MED13L: variants seen among roughly 807,000 people sequenced by gnomAD.
MED13L encodes mediator of RNA polymerase II transcription subunit 13-like.
A neutral mutation model predicts 220.9 loss-of-function variants in MED13L; 7 were observed. The observed-to-expected ratio is 0.03, with a 90% confidence interval of 0.02 to 0.06. The LOEUF is 0.06. Among genes scored for constraint, MED13L ranks in the 10% least tolerant of loss-of-function variants. The pLI, the probability that MED13L is intolerant of heterozygous loss-of-function variation, is 1.00. For missense variants in MED13L, 1,965 were observed against 2,760.5 expected, an observed-to-expected ratio of 0.71 and a Z score of 6.46; for synonymous variants, 1,011 against 1,015.2, an observed-to-expected ratio of 1.00 and a Z score of 0.08.
chr12:116,001,535 C>T (rs1451123839), intron 14 of MED13L, among the ~76,000 whole-genome samples: 1 of 152,180 alleles, frequency 6.6e-6, no homozygotes, highest in Admixed American at 6.5e-5. Context: ...AAATCTATTG[C>T]TGAGATTAAA....
chr12:115,961,481 A>G, intron 30 of MED13L, 83 bp from the exon 31 acceptor site: 1 of 1,562,998 alleles, frequency 6.4e-7, no homozygotes, highest in Non-Finnish European at 8.8e-7. Context: ...TCCAGATCTT[A>G]GCAGGAAGGA....
intron 2 of MED13L, among the ~76,000 whole-genome samples, chr12:116,191,665 T>G (rs887281446): frequency 6.6e-6 from 1 of 151,948 alleles, no homozygotes; most frequent in Non-Finnish European, 1.5e-5. Flanking sequence ...ATTAAAAAAT[T>G]AGAATTTTTT....
chr12:115,967,170 CAAAA>C (rs34377158), intron 28 of MED13L, among the ~76,000 whole-genome samples: 2 of 45,244 alleles, frequency 4.4e-5, no homozygotes, highest in Non-Finnish European at 8.0e-5. Context: ...GACTCTGTCT[CAAAA>C]AAAAAAAAAA....
chr12:116,226,937 C>T (rs1869067366), intron 2 of MED13L, among the ~76,000 whole-genome samples: 1 of 148,516 alleles, frequency 6.7e-6, no homozygotes, highest in Non-Finnish European at 1.5e-5. Flanking sequence ...AAAATATTTA[C>T]GTGTTATTTC....
intron 4 of MED13L, among the ~76,000 whole-genome samples, chr12:116,062,456 G>T: frequency 6.8e-6 from 1 of 146,778 alleles, no homozygotes; most frequent in African/African-American, 2.5e-5. Context: ...CATAGGAAAT[G>T]AATAGAATAG....
At chr12:116,212,446 A>G (rs1357430403) in intron 2 of MED13L, among the ~76,000 whole-genome samples, 1 of 152,246 alleles carries the variant, frequency 6.6e-6, no homozygotes, top group Non-Finnish European at 1.5e-5. Flanking sequence ...TGAGCATCAG[A>G]GAATTCAATC....
chr12:116,007,712 A>T, intron 10 of MED13L, 76 bp from the exon 11 acceptor site: 1 of 1,254,792 alleles, frequency 8.0e-7, no homozygotes, highest in Non-Finnish European at 1.1e-6. Flanking sequence ...CTTTTTGTAA[A>T]AACAACTAAA....
chr12:116,170,117 T>C (rs774025309), intron 2 of MED13L, among the ~76,000 whole-genome samples: 19 of 152,196 alleles, frequency 1.2e-4, no homozygotes, highest in Non-Finnish European at 2.6e-4. Flanking sequence ...CATTGGTCAT[T>C]TGGAAAATAC....
At chr12:115,973,724 G>A (rs1876743546) in intron 25 of MED13L, among the ~76,000 whole-genome samples, 1 of 152,144 alleles carries the variant, frequency 6.6e-6, no homozygotes, top group South Asian at 2.1e-4. Flanking sequence ...GAAATAAAAT[G>A]ATGAATCCCC....
At chr12:116,080,088 A>G (rs1408619245) in intron 4 of MED13L, among the ~76,000 whole-genome samples, 1 of 151,918 alleles carries the variant, frequency 6.6e-6, no homozygotes, top group East Asian at 1.9e-4. Context: ...GCCCAAGACA[A>G]TTCTTCTTCT....
intron 2 of MED13L, among the ~76,000 whole-genome samples, chr12:116,143,058 T>A (rs1025847762): frequency 6.6e-6 from 1 of 152,182 alleles, no homozygotes; most frequent in African/African-American, 2.4e-5. Context: ...AATGACTCTA[T>A]AATCGATGTT....
At chr12:115,961,998 A>T (rs1269436007) in intron 30 of MED13L, among the ~76,000 whole-genome samples, 1 of 152,150 alleles carries the variant, frequency 6.6e-6, no homozygotes, top group Non-Finnish European at 1.5e-5. Context: ...GAAAAAAAGA[A>T]AAGTATGTAA....
chr12:116,255,155 A>G (rs1384856584), intron 1 of MED13L, among the ~76,000 whole-genome samples: 1 of 152,234 alleles, frequency 6.6e-6, no homozygotes, highest in Non-Finnish European at 1.5e-5. Context: ...AAATTTCAGT[A>G]ATCATCATAG....
chr12:116,055,317 A>G (rs1566033931), intron 4 of MED13L, among the ~76,000 whole-genome samples: 2 of 152,246 alleles, frequency 1.3e-5, no homozygotes, highest in African/African-American at 4.8e-5. Context: ...TTCAATAAAA[A>G]GATTTAAAAA....
intron 2 of MED13L, among the ~76,000 whole-genome samples, chr12:116,173,504 C>A (rs934712007): frequency 6.6e-6 from 1 of 152,084 alleles, no homozygotes; most frequent in Non-Finnish European, 1.5e-5. Flanking sequence ...AAAACGGGCA[C>A]TTTATAGCAT....
intron 17 of MED13L, 35 bp from the exon 18 acceptor site, chr12:115,987,323 G>A (rs182171199): frequency 1.8e-4 from 293 of 1,592,896 alleles, no homozygotes; most frequent in Admixed American, 8.9e-4. Flanking sequence ...GAGAAGATAA[G>A]GGGGCTAGCA....
chr12:116,134,423 C>T (rs1405446986), intron 2 of MED13L, among the ~76,000 whole-genome samples: 1 of 151,816 alleles, frequency 6.6e-6, no homozygotes, highest in Admixed American at 6.6e-5. Context: ...TTATGAGAAC[C>T]CTGGTGATAT....
intron 2 of MED13L, among the ~76,000 whole-genome samples, chr12:116,131,998 G>A (rs1488004016): frequency 4.0e-5 from 6 of 151,594 alleles, no homozygotes; most frequent in African/African-American, 1.5e-4. Context: ...AAAGAAAAAC[G>A]CCAGGTGCGG....
chr12:116,135,493 C>T (rs1383282265), intron 2 of MED13L, among the ~76,000 whole-genome samples: 1 of 152,178 alleles, frequency 6.6e-6, no homozygotes, highest in African/African-American at 2.4e-5. Flanking sequence ...CATCACAGTG[C>T]TGAAACAAAC....
Sources: gnomAD v4.1 joint callset for allele counts (sites outside exome capture counted in the v4.1 genomes callset) on GRCh38, gnomAD v4.1.1 for gene constraint, MANE v1.5 for transcripts, NCBI Gene and HGNC (gene_info 2026-07-23, HGNC 2026-07-21) for gene names.